SNTG1: variants seen among roughly 807,000 people sequenced by gnomAD.
SNTG1 encodes the protein syntrophin gamma 1.
SNTG1 carries 39 observed loss-of-function variants against 74.7 expected under a neutral mutation model. The ratio of observed to expected loss-of-function variants is 0.52; its 90% CI spans 0.40 to 0.68. The LOEUF (loss-of-function observed/expected upper bound fraction) is 0.68, where lower values mean the gene tolerates loss of function less well. SNTG1 is among the 30% of genes least tolerant of loss of function. The probability of loss-of-function intolerance (pLI) is 0.00; values close to 1 mark genes in which losing one functional copy is unlikely to be tolerated. For missense variants in SNTG1, 685 were observed against 609.5 expected (o/e 1.12, Z -1.30); for synonymous variants, 254 against 217.1 (o/e 1.17, Z -1.49).
At chr8:49,964,522 G>C (rs1304846307) in intron 1 of SNTG1, among the ~76,000 whole-genome samples, 1 of 152,186 alleles carries the variant, frequency 6.6e-6, no homozygotes, top group Non-Finnish European at 1.5e-5. Context: ...ATACATAGGT[G>C]AATAATAGGT....
At chr8:50,265,371 C>A (rs1411607755) in intron 2 of SNTG1, among the ~76,000 whole-genome samples, 2 of 151,920 alleles carry the variant, frequency 1.3e-5, no homozygotes. Flanking sequence ...TAACTGGAAA[C>A]CACCGGATTT....
rs1320838590 is a variant in SNTG1 at position 50,436,416 on chromosome 8, A to G, written c.163-2127A>G. On this transcript the variant is annotated intron_variant, in intron 4 of 18. Transcript: ENST00000642720. ...ATGTAAATATATTAAAATGACTATT[A>G]CATAAGAATCCCTATATAGGATATC... Among the ~76,000 whole-genome samples, 5 of 152,238 alleles carry G rather than the reference A, an allele frequency of 3.3e-5. No individual in the cohort carries two copies. The East Asian group carries it at 9.6e-4, about 29-fold the overall frequency.
chr8:50,583,325 C>T (rs1157012053), intron 12 of SNTG1, among the ~76,000 whole-genome samples: 1 of 149,828 alleles, frequency 6.7e-6, no homozygotes, highest in Non-Finnish European at 1.5e-5. Context: ...TTGCTTAAAC[C>T]TGGGAGGCGG....
At chr8:50,027,278 T>C (rs1817350138) in intron 1 of SNTG1, among the ~76,000 whole-genome samples, 1 of 152,148 alleles carries the variant, frequency 6.6e-6, no homozygotes, top group Non-Finnish European at 1.5e-5. Context: ...TATATTTCTC[T>C]GGCCTTGGCT....
rs187565205 is a variant in SNTG1, at chr8:50,680,610, A to C, written c.1038+21947A>C. Among the ~76,000 whole-genome samples, 451 of 152,268 alleles carry C rather than the reference A, an allele frequency of 3.0e-3. 3 individuals are homozygous for C. The highest frequency in any genetic ancestry group is 0.01 in the African/African-American group (436 of 41,552). On this transcript the variant is annotated intron_variant, in intron 15 of 18. Transcript: ENST00000642720. ...GTGCTACAAACTAGAGCACAGTTACAAAATGGTAGTGGCTCTGTCTACCAT... is the reference window on the plus strand; with the variant it reads ...GTGCTACAAACTAGAGCACAGTTACCAAATGGTAGTGGCTCTGTCTACCAT...
At position 50,792,802 on chromosome 8, in the gene SNTG1, C is replaced by T. The variant is rs2095694979; in HGVS notation, c.1527C>T (p.Thr509=). 6.2e-7 allele frequency: 1 copy of T among 1,611,936 alleles called. No individual in the cohort carries two copies. The highest frequency in any genetic ancestry group is 8.5e-7 in the Non-Finnish European group (1 of 1,178,692). The change falls in exon 19 of 19, where the codon ACC becomes ACT. Residue 509 remains threonine, a synonymous_variant. Coordinates refer to ENST00000642720, the MANE Select transcript of SNTG1 (RefSeq NM_018967.5). ...CTTCTACTGCTGCCAGCTCTGCTAC[C>T]ACGAGCAAAGCAAAGTATACAACTT... is the stretch of plus-strand genomic sequence containing the variant. The part of the protein sequence containing the change: ...ATASTAASSA[T]TSKAKYTT
At chr8:50,560,300 G>A (rs557899722) in intron 12 of SNTG1, among the ~76,000 whole-genome samples, 6 of 152,326 alleles carry the variant, frequency 3.9e-5, no homozygotes, top group Admixed American at 3.3e-4. Flanking sequence ...CATTGTGGAA[G>A]AGAGTGTGGT....
At chr8:49,953,782 G>A (rs1362222238) in intron 1 of SNTG1, among the ~76,000 whole-genome samples, 2 of 152,158 alleles carry the variant, frequency 1.3e-5, no homozygotes, top group East Asian at 3.9e-4. Flanking sequence ...GACACATCCT[G>A]TCAGAAAAAT....
At chr8:50,444,593 T>C (rs903708152) in intron 5 of SNTG1, among the ~76,000 whole-genome samples, 1 of 151,768 alleles carries the variant, frequency 6.6e-6, no homozygotes, top group Non-Finnish European at 1.5e-5. Flanking sequence ...CTACTAAAAA[T>C]ACAAAAATTA....
At chr8:50,332,229 A>G (rs1398151238) in intron 2 of SNTG1, among the ~76,000 whole-genome samples, 1 of 152,170 alleles carries the variant, frequency 6.6e-6, no homozygotes, top group Non-Finnish European at 1.5e-5. Context: ...TATGACATAC[A>G]TATTATTCCT....
intron 2 of SNTG1, among the ~76,000 whole-genome samples, chr8:50,253,363 C>T (rs1384079884): frequency 6.6e-6 from 1 of 152,000 alleles, no homozygotes; most frequent in East Asian, 1.9e-4. Context: ...GCAGAGGTGA[C>T]TGTGAGTGGA....
chr8:50,469,445 C>T (rs1009807576), intron 8 of SNTG1, among the ~76,000 whole-genome samples: 1 of 152,060 alleles, frequency 6.6e-6, no homozygotes, highest in South Asian at 2.1e-4. Flanking sequence ...TGAAAACCTT[C>T]CAGAGGCTTC....
intron 2 of SNTG1, among the ~76,000 whole-genome samples, chr8:50,269,728 TA>T (rs2130257479): frequency 6.6e-6 from 1 of 152,064 alleles, no homozygotes; most frequent in Admixed American, 6.6e-5. Flanking sequence ...TAATTTGAAA[TA>T]GAAAATAAAG....
chr8:50,150,202 A>G (rs907468271), intron 1 of SNTG1, among the ~76,000 whole-genome samples: 2 of 151,998 alleles, frequency 1.3e-5, no homozygotes, highest in Admixed American at 1.3e-4. Context: ...TTTGTCTGTT[A>G]TTGGTGTATA....
intron 2 of SNTG1, among the ~76,000 whole-genome samples, chr8:50,349,934 G>A (rs575150441): frequency 1.2e-4 from 19 of 152,132 alleles, no homozygotes; most frequent in Non-Finnish European, 2.1e-4. Context: ...GGCGCGAGCC[G>A]GAACCAGGGC....
chr8:50,275,834 T>A (rs1161622613), intron 2 of SNTG1, among the ~76,000 whole-genome samples: 2 of 152,120 alleles, frequency 1.3e-5, no homozygotes, highest in African/African-American at 4.8e-5. Flanking sequence ...TTTCAGATTT[T>A]AGGGTGGCAT....
chr8:50,508,335 C>G (rs1476587772), intron 9 of SNTG1, among the ~76,000 whole-genome samples: 1 of 152,148 alleles, frequency 6.6e-6, no homozygotes, highest in African/African-American at 2.4e-5. Flanking sequence ...GGATATTTGG[C>G]TTGGTTCCAA....
rs566565228 is a variant in SNTG1, at chr8:50,754,381, T to A, written c.1395+2270T>A. ...GGTTTGGGTATTGTCACTTAAAATT[T>A]TGGTTCTGCTCATCATAGTCTTCAT... On this transcript the variant is annotated intron_variant, in intron 18 of 18. Transcript: ENST00000642720. Among the ~76,000 whole-genome samples the A allele has an allele frequency of 1.4e-4, 22 of 152,064 alleles. No individual in the cohort carries two copies. In the South Asian group the frequency reaches 4.1e-3, roughly 29 times the overall value.
intron 1 of SNTG1, among the ~76,000 whole-genome samples, chr8:49,980,457 A>G (rs985457156): frequency 1.5e-5 from 2 of 135,218 alleles, no homozygotes; most frequent in African/African-American, 5.7e-5. Flanking sequence ...GAGTTCCTCC[A>G]TATCCCTGCC....
Sources: allele counts gnomAD v4.1 joint callset (sites outside exome capture counted in the v4.1 genomes callset), GRCh38; gene constraint gnomAD v4.1.1; transcripts MANE v1.5; gene names NCBI Gene and HGNC (gene_info 2026-07-23, HGNC 2026-07-21).